ADAMTS6: variants seen among roughly 807,000 people sequenced by gnomAD.
ADAMTS6 encodes A disintegrin and metalloproteinase with thrombospondin motifs 6.
ADAMTS6 carries 23 observed loss-of-function variants against 144.3 expected under a neutral mutation model. The ratio of observed to expected loss-of-function variants is 0.16; its 90% CI spans 0.11 to 0.23. The LOEUF (loss-of-function observed/expected upper bound fraction) is 0.23. Ranked by LOEUF, ADAMTS6 falls within the 10% of genes least tolerant of loss-of-function variation. The probability of loss-of-function intolerance (pLI) is 1.00; values close to 1 mark genes in which losing one functional copy is unlikely to be tolerated. For synonymous variants in ADAMTS6, 444 were observed against 457.5 expected (o/e 0.97, Z 0.38); for missense variants, 999 against 1,379.6 (o/e 0.72, Z 4.37).
chr5:65,184,938 A>T (rs1018299915), intron 22 of ADAMTS6, among the ~76,000 whole-genome samples: 3 of 152,128 alleles, frequency 2.0e-5, no homozygotes, highest in Non-Finnish European at 4.4e-5. Context: ...TTGCTGCAAT[A>T]TGTTTTCACC....
At chr5:65,233,423 T>C (rs2112450222) in intron 15 of ADAMTS6, among the ~76,000 whole-genome samples, 1 of 152,182 alleles carries the variant, frequency 6.6e-6, no homozygotes, top group Non-Finnish European at 1.5e-5. Flanking sequence ...AACATATTCT[T>C]ATACATAGAA....
chr5:65,477,192 A>G (rs950208765), intron 1 of ADAMTS6, among the ~76,000 whole-genome samples: 13 of 152,176 alleles, frequency 8.5e-5, no homozygotes, highest in African/African-American at 3.1e-4. Flanking sequence ...CTTTTGAACA[A>G]CATTCATTTT....
intron 7 of ADAMTS6, among the ~76,000 whole-genome samples, chr5:65,447,878 A>G (rs954017292): frequency 4.0e-5 from 6 of 150,432 alleles, no homozygotes; most frequent in Admixed American, 3.3e-4. Context: ...AAATATTGCC[A>G]TATTTCCACA....
At chr5:65,183,944 T>G (rs532711298) in intron 22 of ADAMTS6, among the ~76,000 whole-genome samples, 24 of 152,340 alleles carry the variant, frequency 1.6e-4, no homozygotes, top group African/African-American at 5.3e-4. Flanking sequence ...TTTCTCATAA[T>G]AAACCTTTAG....
chr5:65,429,710 G>T (rs1756845475), intron 7 of ADAMTS6, among the ~76,000 whole-genome samples: 1 of 152,002 alleles, frequency 6.6e-6, no homozygotes, highest in South Asian at 2.1e-4. Context: ...CTAAATAACA[G>T]TACAGCATTA....
chr5:65,400,897 C>T (rs150002641), intron 7 of ADAMTS6, among the ~76,000 whole-genome samples: 32 of 152,164 alleles, frequency 2.1e-4, no homozygotes, highest in African/African-American at 7.2e-4. Flanking sequence ...ACTTTCTTTT[C>T]GGCTCTTTCT....
At chr5:65,170,878 TTTTTC>T in intron 23 of ADAMTS6, 105 bp from the exon 24 acceptor site, 1 of 1,297,324 alleles carries the variant, frequency 7.7e-7, no homozygotes, top group Non-Finnish European at 1.0e-6. Context: ...AACTTTTTTT[TTTTTC>T]TTTTGAGACA....
chr5:65,398,717 G>C (rs1561500914), intron 7 of ADAMTS6, among the ~76,000 whole-genome samples: 1 of 148,798 alleles, frequency 6.7e-6, no homozygotes, highest in Non-Finnish European at 1.5e-5. Flanking sequence ...GTCAGAAAGA[G>C]AGAAAGAGAG....
chr5:65,444,392 T>A (rs778942995), intron 7 of ADAMTS6, among the ~76,000 whole-genome samples: 2 of 152,050 alleles, frequency 1.3e-5, no homozygotes, highest in African/African-American at 4.8e-5. Context: ...TTAAAACCAA[T>A]AAATGAACTT....
chr5:65,211,894 T>C (rs1240265341), intron 20 of ADAMTS6, among the ~76,000 whole-genome samples: 1 of 152,182 alleles, frequency 6.6e-6, no homozygotes, highest in Non-Finnish European at 1.5e-5. Context: ...GTGCACTTAT[T>C]GGGCCCCTAC....
intron 7 of ADAMTS6, among the ~76,000 whole-genome samples, chr5:65,398,797 AAAGAAAGAAAGAAAGAAAGAAAG>A (rs1753607587): frequency 1.1e-5 from 1 of 87,550 alleles, no homozygotes; most frequent in African/African-American, 5.0e-5. Context: ...AGAAAGAAAG[AAAGAAAGAAAGAAAGAAAGAAAG>A]AAAGAAAGAA....
At chr5:65,156,318 GAAAAC>G (rs1275014511) in intron 24 of ADAMTS6, among the ~76,000 whole-genome samples, 2 of 147,838 alleles carry the variant, frequency 1.4e-5, no homozygotes, top group Non-Finnish European at 3.0e-5. Context: ...ACAAAAAAAC[GAAAAC>G]AAAACAAAAC....
chr5:65,385,148 G>T (rs1310829317), intron 7 of ADAMTS6, among the ~76,000 whole-genome samples: 3 of 152,142 alleles, frequency 2.0e-5, no homozygotes, highest in Non-Finnish European at 4.4e-5. Flanking sequence ...TCAGGGGCAG[G>T]GAGGGACATA....
At chr5:65,293,503 G>A (rs1448479176) in intron 10 of ADAMTS6, among the ~76,000 whole-genome samples, 7 of 152,066 alleles carry the variant, frequency 4.6e-5, no homozygotes, top group African/African-American at 1.4e-4. Context: ...AATTAACCCA[G>A]AATCAGAGGA....
intron 15 of ADAMTS6, among the ~76,000 whole-genome samples, chr5:65,230,898 A>C (rs1052217188): frequency 6.8e-6 from 1 of 146,302 alleles, no homozygotes; most frequent in Non-Finnish European, 1.5e-5. Flanking sequence ...TAAAATACAT[A>C]TATATATGAA....
At chr5:65,404,625 T>C (rs565622272) in intron 7 of ADAMTS6, among the ~76,000 whole-genome samples, 1 of 152,336 alleles carries the variant, frequency 6.6e-6, no homozygotes. Context: ...TGTGTCTTTA[T>C]AGCAGCATGA....
At position 65,150,054 on chromosome 5, in the gene ADAMTS6, G is replaced by C. The variant is rs1752070565; in HGVS notation, c.*1782C>G. 6.6e-6 allele frequency: 1 copy of C among 152,258 alleles called. No homozygotes were observed. The highest frequency in any genetic ancestry group is 2.1e-4 in the South Asian group (1 of 4,828). 9.4% of individuals were successfully genotyped at this position (152,258 alleles called of 1,614,324 possible). ...CCACAGCAAACCTGGGAGTTGTTTA[G>C]ATTGGCTTTTGGTGTCTGAGGGTCT... On this transcript the variant is annotated 3_prime_UTR_variant, in exon 25 of 25. Transcript: ENST00000381055.
intron 7 of ADAMTS6, among the ~76,000 whole-genome samples, chr5:65,411,838 G>A (rs774464465): frequency 2.6e-5 from 4 of 152,110 alleles, no homozygotes; most frequent in Non-Finnish European, 5.9e-5. Flanking sequence ...AACTTCTAGA[G>A]TGCTCTTTAG....
At chr5:65,320,122 C>T (rs376599263) in intron 9 of ADAMTS6, among the ~76,000 whole-genome samples, 2 of 152,082 alleles carry the variant, frequency 1.3e-5, no homozygotes, top group Non-Finnish European at 2.9e-5. Context: ...GGATTACAGG[C>T]GTAAGCCATC....
Sources: allele counts gnomAD v4.1 joint callset (sites outside exome capture counted in the v4.1 genomes callset), GRCh38; gene constraint gnomAD v4.1.1; transcripts MANE v1.5; gene names NCBI Gene and HGNC (gene_info 2026-07-23, HGNC 2026-07-21).